The following BNC2 variants were observed in gnomAD, a reference collection of about 807,000 sequenced individuals.
BNC2 encodes the protein basonuclin zinc finger protein 2, also known as zinc finger protein basonuclin-2.
A neutral mutation model predicts 76.3 loss-of-function variants in BNC2; 20 were observed. The ratio of observed to expected loss-of-function variants is 0.26; its 90% confidence interval spans 0.18 to 0.38. The LOEUF is 0.38. Ranked by LOEUF, BNC2 falls within the 10% of genes least tolerant of loss-of-function variation. The pLI is 1.00. For missense variants in BNC2, 1,382 were observed against 1,399.8 expected, an observed-to-expected ratio of 0.99 and a Z score of 0.20; for synonymous variants, 582 against 514.8, an observed-to-expected ratio of 1.13 and a Z score of -1.77.
chr9:16,676,140 T>C (rs560647177), intron 3 of BNC2, among the ~76,000 whole-genome samples: 282 of 152,308 alleles, frequency 1.9e-3, no homozygotes, highest in African/African-American at 6.4e-3. Context: ...AAAACACAAA[T>C]TGAGATTCCA....
chr9:16,600,162 T>C (rs149824579), intron 3 of BNC2, among the ~76,000 whole-genome samples: 69 of 152,346 alleles, frequency 4.5e-4, no homozygotes, highest in African/African-American at 1.2e-3. Flanking sequence ...GTAAAGTACC[T>C]TGTAAGTTTG....
chr9:16,669,014 C>A (rs933298971), intron 3 of BNC2, among the ~76,000 whole-genome samples: 2 of 152,046 alleles, frequency 1.3e-5, no homozygotes, highest in East Asian at 3.9e-4. Context: ...TCAAGACACA[C>A]GATTTTCATA....
chr9:16,780,182 G>C (rs1217644349), intron 1 of BNC2, among the ~76,000 whole-genome samples: 2 of 141,552 alleles, frequency 1.4e-5, no homozygotes, highest in Non-Finnish European at 3.0e-5. Context: ...CTTGCAGTGA[G>C]CCGAGATCGC....
At chr9:16,500,649 G>T (rs906563188) in intron 5 of BNC2, among the ~76,000 whole-genome samples, 4 of 152,136 alleles carry the variant, frequency 2.6e-5, no homozygotes, top group African/African-American at 4.8e-5. Flanking sequence ...TTTGGCCAAA[G>T]AATTTAGTTT....
chr9:16,765,962 T>A (rs1825680513), intron 1 of BNC2, among the ~76,000 whole-genome samples: 1 of 152,136 alleles, frequency 6.6e-6, no homozygotes, highest in Admixed American at 6.5e-5. Flanking sequence ...AATTTTTTTG[T>A]ATTTTTAGTA....
At chr9:16,435,222 G>A in intron 6 of BNC2, 1 of 391,586 alleles carries the variant, frequency 2.6e-6, no homozygotes, top group Non-Finnish European at 4.8e-6. Flanking sequence ...TCTAAGTGAA[G>A]GTTCACGGGG....
At chr9:16,690,948 TC>T (rs141646435) in intron 3 of BNC2, among the ~76,000 whole-genome samples, 4,138 of 152,248 alleles carry the variant, frequency 0.027, 66 homozygotes, top group South Asian at 0.078. Flanking sequence ...CAGGAGCTGA[TC>T]CTCTGGGGTG....
chr9:16,462,122 C>A (rs1821596282), intron 5 of BNC2, among the ~76,000 whole-genome samples: 1 of 152,160 alleles, frequency 6.6e-6, no homozygotes, highest in South Asian at 2.1e-4. Context: ...TTTTCCTCAG[C>A]CACTCTCTCA....
chr9:16,536,515 T>C (rs1457495657), intron 5 of BNC2, among the ~76,000 whole-genome samples: 1 of 152,192 alleles, frequency 6.6e-6, no homozygotes, highest in Non-Finnish European at 1.5e-5. Context: ...CCTTTTGTTT[T>C]TATTTTTTTC....
chr9:16,569,256 T>C (rs572039322), intron 4 of BNC2, among the ~76,000 whole-genome samples: 1 of 152,200 alleles, frequency 6.6e-6, no homozygotes, highest in East Asian at 1.9e-4. Context: ...TCTTAATACA[T>C]GAGGGATAAT....
At chr9:16,718,716 A>G (rs1824061282) in intron 3 of BNC2, among the ~76,000 whole-genome samples, 1 of 152,342 alleles carries the variant, frequency 6.6e-6, no homozygotes, top group African/African-American at 2.4e-5. Context: ...TAGATAGCAT[A>G]GTATAAGGAA....
At chr9:16,431,009 A>C (rs1820897728) in intron 6 of BNC2, among the ~76,000 whole-genome samples, 1 of 152,244 alleles carries the variant, frequency 6.6e-6, no homozygotes, top group Non-Finnish European at 1.5e-5. Context: ...CTTACCTTTC[A>C]GATGAAATTT....
At chr9:16,756,952 A>G (rs927899270) in intron 1 of BNC2, among the ~76,000 whole-genome samples, 5 of 151,178 alleles carry the variant, frequency 3.3e-5, no homozygotes, top group East Asian at 2.0e-4. Context: ...GATCACACCA[A>G]TGCACTCCAG....
At chr9:16,856,686 G>A (rs540708436) in intron 1 of BNC2, among the ~76,000 whole-genome samples, 4 of 152,256 alleles carry the variant, frequency 2.6e-5, no homozygotes, top group South Asian at 2.1e-4. Context: ...ATCCTTTAGC[G>A]TTAATGCACA....
chr9:16,613,147 T>C (rs189578013), intron 3 of BNC2, among the ~76,000 whole-genome samples: 27 of 152,322 alleles, frequency 1.8e-4, no homozygotes, highest in African/African-American at 6.3e-4. Context: ...CAGTGAGTTT[T>C]ATTTTAAATT....
chr9:16,574,082 G>C (rs1587188886), intron 4 of BNC2, among the ~76,000 whole-genome samples: 1 of 151,508 alleles, frequency 6.6e-6, no homozygotes, highest in Admixed American at 6.6e-5. Context: ...GGGTCCTTAC[G>C]ACCCAGCCGA....
intron 1 of BNC2, among the ~76,000 whole-genome samples, chr9:16,797,026 G>T (rs892107247): frequency 1.3e-5 from 2 of 152,162 alleles, no homozygotes; most frequent in Admixed American, 6.5e-5. Flanking sequence ...ACAAAATATG[G>T]TGTTGGTAGT....
At chr9:16,716,141 A>C (rs1364998164) in intron 3 of BNC2, among the ~76,000 whole-genome samples, 3 of 152,222 alleles carry the variant, frequency 2.0e-5, no homozygotes, top group African/African-American at 7.2e-5. Context: ...TTGTTCCTTC[A>C]CATGTTAACA....
rs531544877 is a variant in BNC2 at position 16,749,531 on chromosome 9, C to T, written c.4-11046G>A. On this transcript the variant is annotated intron_variant, in intron 1 of 6. Coordinates refer to ENST00000380672, the MANE Select transcript of BNC2 (RefSeq NM_017637.6). ...CCTGGGTAACAGAGTGAGATCCCAT[C>T]GCTACAAAAAAATTAAAAATTACCC... Among the ~76,000 whole-genome samples, 639 of 152,024 alleles carry T rather than the reference C, an allele frequency of 4.2e-3. 4 individuals are homozygous for T. Among genetic ancestry groups the T allele is most frequent in the African/African-American group, 0.013 (558 of 41,492 alleles).
Sources: allele counts gnomAD v4.1 joint callset (sites outside exome capture counted in the v4.1 genomes callset), GRCh38; gene constraint gnomAD v4.1.1; transcripts MANE v1.5; gene names NCBI Gene and HGNC (gene_info 2026-07-23, HGNC 2026-07-21).